RORB: variants seen among roughly 807,000 people sequenced by gnomAD.
The protein encoded by RORB is RAR related orphan receptor B, also known as nuclear receptor ROR-beta.
A neutral mutation model predicts 59.1 loss-of-function variants in RORB; 6 were observed. That is an observed-to-expected ratio of 0.10 (90% CI 0.06 to 0.20). RORB has a LOEUF of 0.20. Ranked by LOEUF, RORB falls within the 10% of genes least tolerant of loss-of-function variation. RORB has a pLI of 1.00. For synonymous variants in RORB, 215 were observed against 204.5 expected (o/e 1.05, Z -0.44); for missense variants, 320 against 560.5 (o/e 0.57, Z 4.33).
chr9:74,639,509 G>T (rs1458740994), intron 3 of RORB, among the ~76,000 whole-genome samples: 1 of 150,712 alleles, frequency 6.6e-6, no homozygotes, highest in African/African-American at 2.4e-5. Flanking sequence ...ATGGAAAAGG[G>T]TTTTAAAAAA....
At chr9:74,627,902 T>A (rs1823547095) in intron 1 of RORB, among the ~76,000 whole-genome samples, 1 of 152,198 alleles carries the variant, frequency 6.6e-6, no homozygotes, top group Admixed American at 6.5e-5. Flanking sequence ...TGTCATATTT[T>A]GTGTCCAAAA....
chr9:74,589,703 G>A (rs1822856769), intron 1 of RORB, among the ~76,000 whole-genome samples: 1 of 152,094 alleles, frequency 6.6e-6, no homozygotes, highest in Non-Finnish European at 1.5e-5. Flanking sequence ...GAGTGTCACT[G>A]GGGGTGCCCT....
intron 3 of RORB, among the ~76,000 whole-genome samples, chr9:74,636,355 A>G (rs1823703033): frequency 6.6e-6 from 1 of 152,200 alleles, no homozygotes; most frequent in African/African-American, 2.4e-5. Context: ...TCTTCCTACA[A>G]TAAAAGGAAG....
intron 3 of RORB, among the ~76,000 whole-genome samples, chr9:74,638,288 G>A (rs931147194): frequency 2.0e-5 from 3 of 152,160 alleles, no homozygotes; most frequent in Non-Finnish European, 4.4e-5. Context: ...TTACTTTTTA[G>A]TTATATCCAA....
chr9:74,644,871 T>C (rs1823870834), intron 4 of RORB, among the ~76,000 whole-genome samples: 1 of 152,204 alleles, frequency 6.6e-6, no homozygotes, highest in South Asian at 2.1e-4. Context: ...GAAAGAGAAC[T>C]ACAGCCAAAC....
At chr9:74,503,056 A>G (rs1213660285) in intron 1 of RORB, among the ~76,000 whole-genome samples, 1 of 152,088 alleles carries the variant, frequency 6.6e-6, no homozygotes, top group Non-Finnish European at 1.5e-5. Context: ...AATGGAAATT[A>G]TGCTTAATAA....
intron 1 of RORB, among the ~76,000 whole-genome samples, chr9:74,508,967 CT>C (rs1208133709): frequency 1.3e-5 from 2 of 151,928 alleles, no homozygotes; most frequent in Non-Finnish European, 2.9e-5. Context: ...GTAGATATCC[CT>C]AATCAACTAT....
chr9:74,630,378 T>G lies in RORB; in HGVS notation c.93+11T>G. 1 of 1,606,834 alleles carries G rather than the reference T, an allele frequency of 6.2e-7. No individual in the cohort carries two copies. The highest frequency in any genetic ancestry group is 8.5e-7 in the Non-Finnish European group (1 of 1,174,956). ...TGTGAAGGCTGCAAGGTATGGGACT[T>G]TCATACAGCACGGTTCTGTATTTGC... is the stretch of plus-strand genomic sequence containing the variant. On this transcript the variant is annotated intron_variant, in intron 2 of 9. Coordinates refer to ENST00000376896, the MANE Select transcript of RORB (RefSeq NM_006914.4).
At chr9:74,558,840 C>G (rs747177665) in intron 1 of RORB, among the ~76,000 whole-genome samples, 1 of 152,164 alleles carries the variant, frequency 6.6e-6, no homozygotes, top group Non-Finnish European at 1.5e-5. Flanking sequence ...TTACATAAGC[C>G]TTAAGACTGG....
At chr9:74,668,470 G>A (rs554760191) in intron 8 of RORB, among the ~76,000 whole-genome samples, 84 of 152,284 alleles carry the variant, frequency 5.5e-4, no homozygotes, top group African/African-American at 1.9e-3. Context: ...CCTGCATGCA[G>A]TCAAAAATCT....
chr9:74,576,011 G>A lies in RORB; in HGVS notation c.8-54271G>A, dbSNP rs1306313226. Among the ~76,000 whole-genome samples the A allele has an allele frequency of 2.0e-5, 3 of 152,186 alleles. No individual in the cohort carries two copies. In the East Asian group the frequency reaches 5.8e-4, roughly 29 times the overall value. On this transcript the variant is annotated intron_variant, in intron 1 of 9. Transcript: ENST00000376896. ...CAAGGTCCCTCGAAGCCAAACCAAA[G>A]GAGTGTGTTTCCAGAGAAATGAAAA...
intron 1 of RORB, among the ~76,000 whole-genome samples, chr9:74,607,763 G>T (rs947897876): frequency 2.0e-5 from 3 of 152,174 alleles, no homozygotes; most frequent in African/African-American, 7.2e-5. Flanking sequence ...GACTTGGGAA[G>T]TAAAGTGGTA....
intron 1 of RORB, among the ~76,000 whole-genome samples, chr9:74,609,865 G>A (rs1185137513): frequency 6.6e-6 from 1 of 152,164 alleles, no homozygotes; most frequent in Non-Finnish European, 1.5e-5. Context: ...AACCTGTTTG[G>A]TTGTCATAAG....
In RORB at chr9:74,586,230, G is replaced by A. The variant is rs193187406; in HGVS notation, c.8-44052G>A. Among the ~76,000 whole-genome samples the A allele has an allele frequency of 8.5e-4, 130 of 152,210 alleles. 1 individual carries two copies. Among genetic ancestry groups the A allele is most frequent in the Middle Eastern group, 6.8e-3 (2 of 294 alleles). ...AGTGTATTTTGGGCCAGGTGCAGTC[G>A]CTCATGCCTGTAAACCCAGCACTTT... is the stretch of plus-strand genomic sequence containing the variant. On this transcript the variant is annotated intron_variant, in intron 1 of 9. Transcript: ENST00000376896.
intron 9 of RORB, among the ~76,000 whole-genome samples, chr9:74,677,505 T>C (rs1225783547): frequency 6.6e-6 from 1 of 152,238 alleles, no homozygotes; most frequent in African/African-American, 2.4e-5. Flanking sequence ...GTTCTTTCTT[T>C]TAACTGTGTG....
intron 1 of RORB, among the ~76,000 whole-genome samples, chr9:74,521,080 C>T (rs1826079833): frequency 6.6e-6 from 1 of 151,908 alleles, no homozygotes; most frequent in South Asian, 2.1e-4. Flanking sequence ...CTAAATCCTG[C>T]TGTTAACTAA....
At chr9:74,654,802 G>A (rs923553579) in intron 4 of RORB, among the ~76,000 whole-genome samples, 1 of 152,096 alleles carries the variant, frequency 6.6e-6, no homozygotes, top group Non-Finnish European at 1.5e-5. Context: ...ACAAAGAATA[G>A]TATCAGGGTC....
rs368387542 is a variant in RORB, at chr9:74,686,686, A to G, written c.*1068A>G. On this transcript the variant is annotated 3_prime_UTR_variant, in exon 10 of 10. Coordinates refer to ENST00000376896, the MANE Select transcript of RORB (RefSeq NM_006914.4). ...GAATAAATCAGAACCCAGGGCAACA[A>G]TGCCATTTCATGTAAACATTTTCTC... The G allele has an allele frequency of 2.0e-5, 3 of 152,580 alleles. No homozygotes were observed. Among genetic ancestry groups the G allele is most frequent in the Admixed American group, 6.5e-5 (1 of 15,280 alleles). 9.5% of individuals were successfully genotyped at this position (152,580 alleles called of 1,614,324 possible).
At chr9:74,663,021 A>T (rs1481505487) in intron 6 of RORB, among the ~76,000 whole-genome samples, 1 of 151,676 alleles carries the variant, frequency 6.6e-6, no homozygotes, top group Non-Finnish European at 1.5e-5. Context: ...GCCTGCAGCC[A>T]GTATACACCA....
Sources: allele counts gnomAD v4.1 joint callset (sites outside exome capture counted in the v4.1 genomes callset), GRCh38; gene constraint gnomAD v4.1.1; transcripts MANE v1.5; gene names NCBI Gene and HGNC (gene_info 2026-07-23, HGNC 2026-07-21).